Variants in LRMDA observed in about 807,000 individuals in gnomAD.
The protein encoded by LRMDA is leucine rich melanocyte differentiation associated, also known as leucine-rich melanocyte differentiation-associated protein.
A neutral mutation model predicts 29.8 loss-of-function variants in LRMDA; 18 were observed. That is an observed-to-expected ratio of 0.60 (90% CI 0.42 to 0.90). The LOEUF (loss-of-function observed/expected upper bound fraction) is 0.90. LRMDA is among the 40% of genes least tolerant of loss of function. The pLI, the probability that LRMDA is intolerant of heterozygous loss-of-function variation, is 0.00. For missense variants in LRMDA, 273 were observed against 273.9 expected (o/e 1.00, Z 0.02); for synonymous variants, 125 against 109.4 (o/e 1.14, Z -0.89).
chr10:76,125,609 A>G (rs1201966117), intron 5 of LRMDA, among the ~76,000 whole-genome samples: 1 of 152,212 alleles, frequency 6.6e-6, no homozygotes, highest in Non-Finnish European at 1.5e-5. Flanking sequence ...AAACCAGAGT[A>G]CAGTGAAGGT....
intron 2 of LRMDA, among the ~76,000 whole-genome samples, chr10:75,605,136 T>C (rs138479875): frequency 5.3e-5 from 8 of 152,318 alleles, no homozygotes; most frequent in African/African-American, 1.4e-4. Context: ...TGCCACACAG[T>C]TCATATGACT....
At chr10:75,967,467 G>A (rs567435031) in intron 2 of LRMDA, among the ~76,000 whole-genome samples, 56 of 152,104 alleles carry the variant, frequency 3.7e-4, no homozygotes, top group Middle Eastern at 3.4e-3. Flanking sequence ...TCACAATAAC[G>A]CATATGTTAT....
chr10:76,054,512 C>T (rs1356141920), intron 4 of LRMDA, among the ~76,000 whole-genome samples: 1 of 151,932 alleles, frequency 6.6e-6, no homozygotes, highest in Non-Finnish European at 1.5e-5. Context: ...GGTCTGTTGT[C>T]ATCATGGTTC....
chr10:75,840,234 T>C (rs1844515316), intron 2 of LRMDA, among the ~76,000 whole-genome samples: 2 of 151,028 alleles, frequency 1.3e-5, no homozygotes, highest in Admixed American at 1.3e-4. Context: ...TCCAGGCTTC[T>C]CATCTTGATC....
chr10:75,858,728 G>A (rs2132319215), intron 2 of LRMDA, among the ~76,000 whole-genome samples: 1 of 152,316 alleles, frequency 6.6e-6, no homozygotes, highest in Non-Finnish European at 1.5e-5. Flanking sequence ...GAGAATGCTT[G>A]AAGGGAAGGT....
intron 5 of LRMDA, among the ~76,000 whole-genome samples, chr10:76,286,212 C>T (rs1283449283): frequency 2.0e-5 from 3 of 152,044 alleles, no homozygotes; most frequent in African/African-American, 4.8e-5. Context: ...AAGATCTTCC[C>T]GCTGGAGATT....
intron 5 of LRMDA, among the ~76,000 whole-genome samples, chr10:76,272,694 A>G (rs541371209): frequency 6.6e-6 from 1 of 152,234 alleles, no homozygotes; most frequent in East Asian, 1.9e-4. Flanking sequence ...TGCTATAAAG[A>G]TACTACCTGA....
intron 2 of LRMDA, chr10:75,782,767 G>A: frequency 7.2e-7 from 1 of 1,398,132 alleles, no homozygotes; most frequent in South Asian, 1.6e-5. Context: ...GACTGTTGAA[G>A]AAAGAGGATC....
At chr10:76,290,646 T>A (rs933662984) in intron 5 of LRMDA, among the ~76,000 whole-genome samples, 18 of 152,122 alleles carry the variant, frequency 1.2e-4, no homozygotes, top group African/African-American at 4.3e-4. Flanking sequence ...GGTCTCGAAC[T>A]CTTAACCTTA....
At chr10:75,505,160 CAA>C (rs1385169736) in intron 2 of LRMDA, among the ~76,000 whole-genome samples, 1 of 152,136 alleles carries the variant, frequency 6.6e-6, no homozygotes, top group Admixed American at 6.5e-5. Context: ...AAACAGGACT[CAA>C]GAGTAGCTAA....
chr10:75,700,162 T>A (rs1842286904), intron 2 of LRMDA, among the ~76,000 whole-genome samples: 1 of 152,144 alleles, frequency 6.6e-6, no homozygotes. Flanking sequence ...AGCAGCCATA[T>A]GAAACAAATA....
intron 2 of LRMDA, among the ~76,000 whole-genome samples, chr10:75,555,521 A>C (rs967858791): frequency 2.6e-5 from 4 of 152,150 alleles, no homozygotes; most frequent in African/African-American, 9.7e-5. Context: ...CAGATTCCAC[A>C]CTGGCTAGAT....
chr10:76,205,651 C>T (rs1235578926), intron 5 of LRMDA, among the ~76,000 whole-genome samples: 1 of 152,106 alleles, frequency 6.6e-6, no homozygotes, highest in Non-Finnish European at 1.5e-5. Context: ...TTATTATTCC[C>T]TAAATTACTT....
At chr10:76,130,115 GTT>G (rs35171640) in intron 5 of LRMDA, among the ~76,000 whole-genome samples, 2,596 of 140,684 alleles carry the variant, frequency 0.018, 76 homozygotes, top group African/African-American at 0.056. Context: ...GCTGCTCAAA[GTT>G]TTTTTTTTTT....
Position 76,490,516 on chromosome 10 carries a change from T to C in LRMDA, c.602-66693T>C, listed in dbSNP as rs184683026. On this transcript the variant is annotated intron_variant, in intron 6 of 6. Coordinates refer to ENST00000611255, the MANE Select transcript of LRMDA (RefSeq NM_001305581.2). ...TTATATTCTCTTGCTGAATTGACCC[T>C]TTTTCATTATACAGTGATCTTCTTT... is the stretch of plus-strand genomic sequence containing the variant. Among the ~76,000 whole-genome samples, 66 of 152,086 alleles carry C rather than the reference T, an allele frequency of 4.3e-4. 1 individual carries two copies. In the Middle Eastern group the frequency reaches 0.027, roughly 63 times the overall value.
At chr10:76,219,138 C>T (rs924819500) in intron 5 of LRMDA, among the ~76,000 whole-genome samples, 6 of 152,146 alleles carry the variant, frequency 3.9e-5, no homozygotes, top group South Asian at 2.1e-4. Flanking sequence ...AAGGAACAAC[C>T]GGTACCAGCC....
At chr10:76,450,850 G>A (rs1046780477) in intron 6 of LRMDA, among the ~76,000 whole-genome samples, 1 of 152,060 alleles carries the variant, frequency 6.6e-6, no homozygotes, top group Admixed American at 6.6e-5. Context: ...TACAGAGTCT[G>A]TTTTACAGAG....
intron 2 of LRMDA, among the ~76,000 whole-genome samples, chr10:75,914,695 C>T (rs1845900740): frequency 1.3e-5 from 2 of 152,168 alleles, no homozygotes; most frequent in South Asian, 4.1e-4. Flanking sequence ...CTCTCTTATC[C>T]TTCTTCTCAA....
chr10:75,915,120 C>CTTTTTTTT lies in LRMDA; in HGVS notation c.132-120866_132-120859dup, dbSNP rs71024579. Among the ~76,000 whole-genome samples, 18 of 75,240 alleles carry CTTTTTTTT rather than the reference C, an allele frequency of 2.4e-4. 2 individuals carry two copies. The East Asian group carries it at 3.8e-3, about 16-fold the overall frequency. The allele number at this position is 75,240 out of a possible 152,430, so 49.4% of individuals were successfully genotyped here. On this transcript the variant is annotated intron_variant, in intron 2 of 6. Coordinates refer to ENST00000611255, the MANE Select transcript of LRMDA (RefSeq NM_001305581.2). The stretch of plus-strand genomic sequence containing the variant: ...CTTAGAAATTCTCATGTCTAACCTT[C>CTTTTTTTT]TTTTTTTTTTTTTTTTTTTTTTTTT...
Sources: gnomAD v4.1 joint callset for allele counts (sites outside exome capture counted in the v4.1 genomes callset) on GRCh38, gnomAD v4.1.1 for gene constraint, MANE v1.5 for transcripts, NCBI Gene and HGNC (gene_info 2026-07-23, HGNC 2026-07-21) for gene names.